ITPKC: variants seen among roughly 807,000 people sequenced by gnomAD.
The protein encoded by ITPKC is IP3 3-kinase C.
Under a neutral mutation model 67.1 loss-of-function variants are expected in ITPKC, and 33 were observed. The observed-to-expected ratio is 0.49, with a 90% confidence interval of 0.37 to 0.66. The LOEUF (loss-of-function observed/expected upper bound fraction) is 0.66, where lower values mean the gene tolerates loss of function less well. Ranked by LOEUF, ITPKC falls within the 30% of genes least tolerant of loss-of-function variation. The pLI, the probability that ITPKC is intolerant of heterozygous loss-of-function variation, is 0.00. For missense variants in ITPKC, 820 were observed against 892.1 expected, an observed-to-expected ratio of 0.92 and a Z score of 1.03; for synonymous variants, 341 against 359.8, an observed-to-expected ratio of 0.95 and a Z score of 0.59.
rs528783635 is a variant in ITPKC at position 40,740,771 on chromosome 19, C to T, written c.*1211C>T. 1.3e-3 allele frequency: 506 copies of T among 392,240 alleles called. 1 individual carries two copies. The highest frequency in any genetic ancestry group is 0.012 in the South Asian group (85 of 6,960). The allele number at this position is 392,240 out of a possible 1,614,324, so 24.3% of individuals were successfully genotyped here. The stretch of plus-strand genomic sequence containing the variant: ...ATTTATACGAGAGGCAGTTGCTGGA[C>T]GGGGTAGTACTGGGAAGCAGGAGGC... On this transcript the variant is annotated 3_prime_UTR_variant, in exon 7 of 7. Transcript: ENST00000263370.
chr19:40,719,367 GAAT>G (rs5828077), intron 1 of ITPKC, among the ~76,000 whole-genome samples: 67,458 of 149,974 alleles, frequency 0.45, 15,818 homozygotes, highest in South Asian at 0.56. Context: ...GGAAGTGGGT[GAAT>G]AATAATAATA....
intron 3 of ITPKC, among the ~76,000 whole-genome samples, chr19:40,731,953 T>A (rs1274233255): frequency 6.6e-6 from 1 of 151,300 alleles, no homozygotes; most frequent in East Asian, 2.0e-4. Flanking sequence ...AACAAAAGAT[T>A]GTGGCTGGGC....
chr19:40,733,012 G>A (rs979500199), intron 3 of ITPKC, 148 bp from the exon 4 acceptor site: 4 of 644,416 alleles, frequency 6.2e-6, no homozygotes, highest in South Asian at 3.9e-5. Context: ...ACAACTCTAC[G>A]TGTGTGTCTT....
rs538947334 is a variant in ITPKC at position 40,737,058 on chromosome 19, G to A, written c.1747G>A (p.Asp583Asn). The stretch of plus-strand genomic sequence containing the variant: ...GGAGCAGGTGACAAAAGTGCTGGAG[G>A]ACTTCGTGGATGGAGACCACGTCAT... ...ALEQVTKVLEDFVDGDHVILQ... is the reference protein window; with the variant it reads ...ALEQVTKVLENFVDGDHVILQ... The change falls in exon 5 of 7, where the codon GAC becomes AAC. Residue 583 changes from aspartate to asparagine, a missense_variant. This residue lies in a region of ITPKC where 339 missense variants were observed against 422.0 expected (regional missense o/e 0.80). Transcript: ENST00000263370. The A allele has an allele frequency of 6.3e-7, 1 of 1,586,626 alleles. No individual in the cohort carries two copies. The highest frequency in any genetic ancestry group is 2.3e-5 in the East Asian group (1 of 43,658).
rs1002776756 is a variant in ITPKC, at chr19:40,717,346, C to A, written c.211C>A (p.Pro71Thr). 1.4e-5 allele frequency: 22 copies of A among 1,609,370 alleles called. No individual in the cohort carries two copies. The highest frequency in any genetic ancestry group is 8.4e-5 in the Admixed American group (5 of 59,676). The change falls in exon 1 of 7, where the codon CCT (proline) becomes ACT (threonine). Residue 71 changes from proline (P) to threonine (T), a missense_variant. Transcript: ENST00000263370. ...RTEGSSLHSEPERAGLGPAPG... is the reference protein window; with the variant it reads ...RTEGSSLHSETERAGLGPAPG... ...AGAGGGGTCCAGCCTCCACAGCGAG[C>A]CTGAGAGGGCCGGCCTCGGGCCTGC...
At chr19:40,738,815 C>T (rs985247821) in intron 6 of ITPKC, among the ~76,000 whole-genome samples, 4 of 152,190 alleles carry the variant, frequency 2.6e-5, no homozygotes, top group African/African-American at 9.7e-5. Flanking sequence ...AGGTGATCTC[C>T]TCCAAACCCC....
chr19:40,737,796 A>T, intron 6 of ITPKC, 27 bp downstream of exon 6: 1 of 1,587,132 alleles, frequency 6.3e-7, no homozygotes, highest in Non-Finnish European at 8.7e-7. Context: ...CCATGGGTGG[A>T]TGTATGGGTG....
In ITPKC at chr19:40,740,590, T is replaced by C. The variant is rs2082323640; in HGVS notation, c.*1030T>C. 1 of 224,818 alleles carries C rather than the reference T, an allele frequency of 4.4e-6. No individual in the cohort carries two copies. The highest frequency in any genetic ancestry group is 8.7e-6 in the Non-Finnish European group (1 of 114,682). 13.9% of individuals were successfully genotyped at this position (224,818 alleles called of 1,614,324 possible). On this transcript the variant is annotated 3_prime_UTR_variant, in exon 7 of 7. Transcript: ENST00000263370. ...CCAAAGACTGTAGAACCCTGGGGTG[T>C]GGCTAACGGCCCCTCCAGCACCCAT...
intron 3 of ITPKC, among the ~76,000 whole-genome samples, chr19:40,732,162 G>A (rs1246499517): frequency 1.3e-5 from 2 of 150,640 alleles, no homozygotes; most frequent in Non-Finnish European, 3.0e-5. Flanking sequence ...ACTTGAACCC[G>A]GGAGGTCCTA....
intron 4 of ITPKC, among the ~76,000 whole-genome samples, chr19:40,734,350 C>CAGCA (rs1265707850): frequency 1.3e-5 from 2 of 151,948 alleles, no homozygotes; most frequent in East Asian, 1.9e-4. Flanking sequence ...TGCAAGTATG[C>CAGCA]AGATTGAGCT....
chr19:40,737,196 G>C (rs2082298662), intron 5 of ITPKC, 109 bp downstream of exon 5: 1 of 771,462 alleles, frequency 1.3e-6, no homozygotes. Flanking sequence ...ACTGATACTG[G>C]CTGGCTTTGC....
intron 1 of ITPKC, among the ~76,000 whole-genome samples, chr19:40,720,918 TTTTTTAA>T (rs2082219043): frequency 6.6e-6 from 1 of 152,064 alleles, no homozygotes. Flanking sequence ...ATCCTGTCCT[TTTTTTAA>T]AATTGTGTTC....
Position 40,736,911 on chromosome 19 carries a change from G to A in ITPKC, c.1675-75G>A, listed in dbSNP as rs548695726. 2.5e-5 allele frequency: 24 copies of A among 944,592 alleles called. No individual in the cohort carries two copies. The Admixed American group carries it at 3.4e-4, about 14-fold the overall frequency. The allele number at this position is 944,592 out of a possible 1,614,324, so 58.5% of individuals were successfully genotyped here. A position where few individuals can be genotyped will look rare whatever the true frequency, so the allele number is the denominator to read the frequency against. On this transcript the variant is annotated intron_variant, in intron 4 of 6. Coordinates refer to ENST00000263370, the MANE Select transcript of ITPKC (RefSeq NM_025194.3). ...GCCACCGCGCCCGGCCTCCTGGGAG[G>A]TATTTGAGGTTGCTGGGTATTGGGT...
At position 40,740,753 on chromosome 19, in the gene ITPKC, C is replaced by T. The variant is rs1308159366; in HGVS notation, c.*1193C>T. The T allele has an allele frequency of 2.3e-5, 9 of 386,326 alleles. No homozygotes were observed. Among genetic ancestry groups the T allele is most frequent in the East Asian group, 1.1e-4 (3 of 27,232 alleles). The allele number at this position is 386,326 out of a possible 1,614,324, so 23.9% of individuals were successfully genotyped here. A position where few individuals can be genotyped will look rare whatever the true frequency, so the allele number is the denominator to read the frequency against. On this transcript the variant is annotated 3_prime_UTR_variant, in exon 7 of 7. Transcript: ENST00000263370. ...CTGACCATCTTGATACTTATTTATA[C>T]GAGAGGCAGTTGCTGGACGGGGTAG... is the stretch of plus-strand genomic sequence containing the variant.
rs1305977768 is a variant in ITPKC, at chr19:40,717,697, G to A, written c.562G>A (p.Val188Ile). 1.2e-6 allele frequency: 2 copies of A among 1,613,960 alleles called. No individual in the cohort carries two copies. Among genetic ancestry groups the A allele is most frequent in the African/African-American group, 1.3e-5 (1 of 74,894 alleles). ...TGGGTCACAGACTCAGCCAGAGAGG[G>A]TCAAGTCCTGGGCTGATAACCTCTG... The part of the protein sequence containing the change: ...THGSQTQPER[V>I]KSWADNLWTH... The change falls in exon 1 of 7, where the codon GTC (valine) becomes ATC (isoleucine). Residue 188 changes from valine to isoleucine, a missense_variant. Coordinates refer to ENST00000263370, the MANE Select transcript of ITPKC (RefSeq NM_025194.3).
At position 40,740,506 on chromosome 19, in the gene ITPKC, C is replaced by CA. The variant is rs1236473764; in HGVS notation, c.*947dup. 9.4e-6 allele frequency: 2 copies of CA among 211,918 alleles called. No homozygotes were observed. Among genetic ancestry groups the CA allele is most frequent in the Non-Finnish European group, 1.9e-5 (2 of 106,302 alleles). 13.1% of individuals were successfully genotyped at this position (211,918 alleles called of 1,614,324 possible). A position where few individuals can be genotyped will look rare whatever the true frequency, so the allele number is the denominator to read the frequency against. On this transcript the variant is annotated 3_prime_UTR_variant, in exon 7 of 7. Transcript: ENST00000263370. ...GCAGGGAAAAGCGCTGGGTGTGTGT[C>CA]AGAGGCGCAGGGTGGGTGGGGCTGC...
intron 1 of ITPKC, among the ~76,000 whole-genome samples, chr19:40,722,268 C>G (rs2082226078): frequency 6.6e-6 from 1 of 152,056 alleles, no homozygotes; most frequent in Non-Finnish European, 1.5e-5. Flanking sequence ...CTCAGACCCT[C>G]TGTTTCCTCC....
At chr19:40,719,464 C>T (rs2082211048) in intron 1 of ITPKC, among the ~76,000 whole-genome samples, 1 of 152,024 alleles carries the variant, frequency 6.6e-6, no homozygotes, top group Non-Finnish European at 1.5e-5. Flanking sequence ...AACTCACTCA[C>T]TCCTCGCAGC....
chr19:40,731,617 T>TTTTTTG (rs796649467), intron 3 of ITPKC, among the ~76,000 whole-genome samples: 203 of 135,294 alleles, frequency 1.5e-3, no homozygotes, highest in Middle Eastern at 8.9e-3. Context: ...TTTTTTTTTT[T>TTTTTTG]TTTGAGAGGG....
Sources: allele counts gnomAD v4.1 joint callset (sites outside exome capture counted in the v4.1 genomes callset), GRCh38; gene constraint gnomAD v4.1.1; regional missense constraint gnomAD v4.1.1; transcripts MANE v1.5; gene names NCBI Gene and HGNC (gene_info 2026-07-23, HGNC 2026-07-21).